The following CDKAL1 variants were observed in gnomAD, a reference collection of about 807,000 sequenced individuals.
CDKAL1 encodes CDKAL1 threonylcarbamoyladenosine tRNA methylthiotransferase, also known as threonylcarbamoyladenosine tRNA methylthiotransferase.
CDKAL1 carries 32 observed loss-of-function variants against 68.2 expected under a neutral mutation model. The ratio of observed to expected loss-of-function variants is 0.47; its 90% CI spans 0.35 to 0.63. CDKAL1 has a LOEUF of 0.63. CDKAL1 is among the 30% of genes least tolerant of loss of function. The pLI, the probability that CDKAL1 is intolerant of heterozygous loss-of-function variation, is 0.00. For missense variants in CDKAL1, 606 were observed against 696.7 expected, an observed-to-expected ratio of 0.87 and a Z score of 1.47; for synonymous variants, 234 against 244.3, an observed-to-expected ratio of 0.96 and a Z score of 0.39.
At chr6:20,873,523 A>T (rs541954665) in intron 9 of CDKAL1, among the ~76,000 whole-genome samples, 3 of 152,230 alleles carry the variant, frequency 2.0e-5, no homozygotes, top group South Asian at 2.1e-4. Flanking sequence ...TGAGACACAG[A>T]ATCACAAAGA....
At chr6:20,730,048 A>G (rs112183364) in intron 5 of CDKAL1, among the ~76,000 whole-genome samples, 3,389 of 152,260 alleles carry the variant, frequency 0.022, 107 homozygotes, top group African/African-American at 0.072. Context: ...GGCCTGGCAC[A>G]GTGGCTCATG....
intron 13 of CDKAL1, among the ~76,000 whole-genome samples, chr6:21,184,309 C>T (rs192748974): frequency 4.7e-4 from 72 of 151,920 alleles, no homozygotes; most frequent in Middle Eastern, 3.4e-3. Context: ...ATTCTCCTGC[C>T]TCAGCCTCCT....
chr6:20,723,384 G>A (rs950831443), intron 5 of CDKAL1, among the ~76,000 whole-genome samples: 5 of 152,276 alleles, frequency 3.3e-5, no homozygotes, highest in African/African-American at 1.2e-4. Context: ...GAGGCGACAT[G>A]CCTGGTCTGG....
chr6:21,069,804 T>TTTTTTTTTAAAA (rs60342057), intron 12 of CDKAL1, among the ~76,000 whole-genome samples: 4 of 85,516 alleles, frequency 4.7e-5, no homozygotes, highest in Non-Finnish European at 8.9e-5. Flanking sequence ...TTTTTTTTTT[T>TTTTTTTTTAAAA]AAAACAGAGC....
At chr6:20,893,691 A>C (rs1761528579) in intron 9 of CDKAL1, among the ~76,000 whole-genome samples, 2 of 152,210 alleles carry the variant, frequency 1.3e-5, no homozygotes, top group Non-Finnish European at 1.5e-5. Context: ...TGAGATAATA[A>C]ATTTAGCATC....
chr6:21,214,737 T>C (rs891266771), intron 15 of CDKAL1, among the ~76,000 whole-genome samples: 4 of 152,246 alleles, frequency 2.6e-5, no homozygotes, highest in Admixed American at 6.5e-5. Flanking sequence ...ACATATTAAA[T>C]ATTTACATGT....
intron 7 of CDKAL1, among the ~76,000 whole-genome samples, chr6:20,777,445 T>G (rs1775219293): frequency 6.6e-6 from 1 of 152,116 alleles, no homozygotes; most frequent in African/African-American, 2.4e-5. Context: ...AGACCTCATC[T>G]CTATAAAAAA....
chr6:21,027,677 T>C (rs755711486), intron 11 of CDKAL1, among the ~76,000 whole-genome samples: 11 of 152,176 alleles, frequency 7.2e-5, no homozygotes, highest in Non-Finnish European at 1.3e-4. Context: ...GATGATACAG[T>C]ATGAAAGCCC....
In CDKAL1 at chr6:20,656,695, G is replaced by C. The variant is rs541853922; in HGVS notation, c.371+7318G>C. On this transcript the variant is annotated intron_variant, in intron 5 of 15. Coordinates refer to ENST00000274695, the MANE Select transcript of CDKAL1 (RefSeq NM_017774.3). ...AAGTTTAAAAACTCAAATATAACTT[G>C]TGTCAATGGGTTTTGTTATATATGT... 3.9e-5 allele frequency among the ~76,000 whole-genome samples: 6 copies of C among 152,178 alleles called. No individual in the cohort carries two copies. The South Asian group carries it at 8.3e-4, about 21-fold the overall frequency.
chr6:20,925,946 AT>A (rs34463604), intron 9 of CDKAL1, among the ~76,000 whole-genome samples: 42,502 of 151,950 alleles, frequency 0.28, 7,348 homozygotes, highest in East Asian at 0.37. Context: ...GTTCCAACAT[AT>A]TTTTTCTATA....
chr6:21,193,290 AT>A (rs1778335184), intron 13 of CDKAL1, among the ~76,000 whole-genome samples: 1 of 152,158 alleles, frequency 6.6e-6, no homozygotes, highest in South Asian at 2.1e-4. Flanking sequence ...GTAAGCATAC[AT>A]TTACTGTTTA....
intron 13 of CDKAL1, among the ~76,000 whole-genome samples, chr6:21,144,755 A>G (rs754310334): frequency 2.0e-5 from 3 of 152,040 alleles, no homozygotes; most frequent in Non-Finnish European, 2.9e-5. Context: ...AGCCATGATC[A>G]TTATGCCTTT....
At position 20,843,567 on chromosome 6, in the gene CDKAL1, C is replaced by T. The variant is rs145445071; in HGVS notation, c.639-2508C>T. 3.2e-4 allele frequency among the ~76,000 whole-genome samples: 49 copies of T among 152,190 alleles called. 1 individual carries two copies. Among genetic ancestry groups the T allele is most frequent in the African/African-American group, 8.2e-4 (34 of 41,520 alleles). On this transcript the variant is annotated intron_variant, in intron 8 of 15. Coordinates refer to ENST00000274695, the MANE Select transcript of CDKAL1 (RefSeq NM_017774.3). The stretch of plus-strand genomic sequence containing the variant: ...ATTTATGTTTCATGTGCACCTTATA[C>T]GCATAGCTTGAAGGTAATTTACATA...
At chr6:20,738,154 T>C (rs538402599) in intron 5 of CDKAL1, among the ~76,000 whole-genome samples, 88 of 152,262 alleles carry the variant, frequency 5.8e-4, no homozygotes, top group South Asian at 3.5e-3. Context: ...AGGGACCCAA[T>C]TGGGTACATA....
At chr6:20,557,363 G>A (rs1334279698) in intron 4 of CDKAL1, among the ~76,000 whole-genome samples, 3 of 152,068 alleles carry the variant, frequency 2.0e-5, no homozygotes, top group Non-Finnish European at 4.4e-5. Context: ...AATGCAAGGT[G>A]TGACCATCAG....
At chr6:21,107,831 A>C (rs909155887) in intron 12 of CDKAL1, among the ~76,000 whole-genome samples, 1 of 152,244 alleles carries the variant, frequency 6.6e-6, no homozygotes, top group Non-Finnish European at 1.5e-5. Flanking sequence ...TCATTTATTC[A>C]TTAACTTAGC....
chr6:21,044,053 A>G (rs1240718432), intron 11 of CDKAL1, among the ~76,000 whole-genome samples: 3 of 152,212 alleles, frequency 2.0e-5, no homozygotes, highest in Non-Finnish European at 4.4e-5. Flanking sequence ...TAATTTAAGC[A>G]CATTCTACAT....
rs144379662 is a variant in CDKAL1 at position 20,586,774 on chromosome 6, G to A, written c.286+38069G>A. Among the ~76,000 whole-genome samples the A allele has an allele frequency of 2.5e-3, 379 of 152,208 alleles. 1 individual carries two copies. Among genetic ancestry groups the A allele is most frequent in the African/African-American group, 8.8e-3 (364 of 41,502 alleles). On this transcript the variant is annotated intron_variant, in intron 4 of 15. Coordinates refer to ENST00000274695, the MANE Select transcript of CDKAL1 (RefSeq NM_017774.3). The stretch of plus-strand genomic sequence containing the variant: ...AAATTTTATTTTAATTGATTTAAAT[G>A]TAAATATCCACATGAGTGGAAGCCA...
chr6:20,857,815 C>A (rs1236018977), intron 9 of CDKAL1, among the ~76,000 whole-genome samples: 2 of 152,080 alleles, frequency 1.3e-5, no homozygotes, highest in East Asian at 3.9e-4. Flanking sequence ...TAGATATAGG[C>A]CCCAGCTCCA....
Sources: gnomAD v4.1 joint callset for allele counts (sites outside exome capture counted in the v4.1 genomes callset) on GRCh38, gnomAD v4.1.1 for gene constraint, MANE v1.5 for transcripts, NCBI Gene and HGNC (gene_info 2026-07-23, HGNC 2026-07-21) for gene names.